The following MBD5 variants were observed in gnomAD, a reference collection of about 807,000 sequenced individuals.
MBD5 encodes methyl-CpG-binding domain protein 5.
In MBD5, 13 loss-of-function variants were observed where a neutral mutation model predicts 117.3. The ratio of observed to expected loss-of-function variants is 0.11; its 90% CI spans 0.07 to 0.18. MBD5 has a LOEUF of 0.18. Ranked by LOEUF, MBD5 falls within the 10% of genes least tolerant of loss-of-function variation. The probability of loss-of-function intolerance (pLI) is 1.00; values close to 1 mark genes in which losing one functional copy is unlikely to be tolerated. For synonymous variants in MBD5, 727 were observed against 766.4 expected (o/e 0.95, Z 0.85); for missense variants, 1,879 against 2,093.8 (o/e 0.90, Z 2.00).
At chr2:148,446,936 A>G (rs1001894821) in intron 4 of MBD5, among the ~76,000 whole-genome samples, 1 of 152,036 alleles carries the variant, frequency 6.6e-6, no homozygotes, top group African/African-American at 2.4e-5. Context: ...GAAAAATTTC[A>G]GTGGCATTTT....
chr2:148,072,284 T>A (rs1375955446), intron 1 of MBD5, among the ~76,000 whole-genome samples: 2 of 152,170 alleles, frequency 1.3e-5, no homozygotes, highest in Non-Finnish European at 2.9e-5. Context: ...AAATGAATCA[T>A]CATTTAGTTT....
At chr2:148,438,500 G>A (rs1466290101) in intron 4 of MBD5, among the ~76,000 whole-genome samples, 1 of 152,124 alleles carries the variant, frequency 6.6e-6, no homozygotes, top group Non-Finnish European at 1.5e-5. Flanking sequence ...CAATTTCACA[G>A]ATCTCTTCCA....
Position 148,445,301 on chromosome 2 carries a change from G to A in MBD5, c.-556-12902G>A, listed in dbSNP as rs549170022. 2.4e-4 allele frequency among the ~76,000 whole-genome samples: 36 copies of A among 149,150 alleles called. 2 individuals are homozygous for A. Among genetic ancestry groups the A allele is most frequent in the African/African-American group, 7.3e-4 (29 of 39,482 alleles). On this transcript the variant is annotated intron_variant, in intron 4 of 13. Transcript: ENST00000642680. ...TCCCTCCCCGCTCCCCCCACCCCAT[G>A]ACAGGCCCCAGTGTGTGATGTTCCC...
chr2:148,068,683 TC>T (rs1329327849), intron 1 of MBD5: 1 of 152,206 alleles, frequency 6.6e-6, no homozygotes, highest in Non-Finnish European at 1.5e-5. Context: ...ATTGATAGGT[TC>T]CTTTTTTCTG....
In MBD5 at chr2:148,306,818, A is replaced by G. The variant is rs545721128; in HGVS notation, c.-679-35396A>G. ...AAAAGAGAATTTGGTTGTTTCTGTGACACACAACAATAATAACCAGAAAAG... is the reference window on the plus strand; with the variant it reads ...AAAAGAGAATTTGGTTGTTTCTGTGGCACACAACAATAATAACCAGAAAAG... On this transcript the variant is annotated intron_variant, in intron 3 of 13. Transcript: ENST00000642680. 2.0e-5 allele frequency among the ~76,000 whole-genome samples: 3 copies of G among 152,314 alleles called. No homozygotes were observed. In the South Asian group the frequency reaches 6.2e-4, roughly 32 times the overall value.
intron 4 of MBD5, among the ~76,000 whole-genome samples, chr2:148,355,032 G>A (rs184830225): frequency 2.0e-5 from 3 of 151,930 alleles, no homozygotes; most frequent in Admixed American, 6.6e-5. Context: ...ATGATGATGC[G>A]CATTTTTTCA....
intron 4 of MBD5, among the ~76,000 whole-genome samples, chr2:148,347,926 C>G (rs906933580): frequency 6.6e-6 from 1 of 151,932 alleles, no homozygotes; most frequent in African/African-American, 2.4e-5. Context: ...TAGAATCCTA[C>G]TCATCCCTCA....
intron 2 of MBD5, among the ~76,000 whole-genome samples, chr2:148,224,484 G>A (rs112435711): frequency 0.12 from 18,119 of 149,160 alleles, 1,259 homozygotes; most frequent in Admixed American, 0.16. Flanking sequence ...CTGGGACTAC[G>A]GGTGCACGTT....
intron 4 of MBD5, among the ~76,000 whole-genome samples, chr2:148,446,424 A>G (rs1353875931): frequency 1.3e-5 from 2 of 152,088 alleles, no homozygotes; most frequent in Non-Finnish European, 2.9e-5. Flanking sequence ...CAAACAGAAC[A>G]ATAGTCTGGA....
At position 148,512,728 on chromosome 2, in the gene MBD5, C is replaced by T. The variant is rs547854711; in HGVS notation, c.5113-142C>T. ...CACTGACATCTGGGGTCTTGGTAAACATTTGAAGTGCCTCAGGATATCAGT... is the reference window on the plus strand; with the variant it reads ...CACTGACATCTGGGGTCTTGGTAAATATTTGAAGTGCCTCAGGATATCAGT... On this transcript the variant is annotated intron_variant, in intron 13 of 13. Coordinates refer to ENST00000642680, the MANE Select transcript of MBD5 (RefSeq NM_001378120.1). 15 of 758,952 alleles carry T rather than the reference C, an allele frequency of 2.0e-5. No individual in the cohort carries two copies. In the East Asian group the frequency reaches 3.9e-4, roughly 20 times the overall value. The allele number at this position is 758,952 out of a possible 1,614,324, so 47.0% of individuals were successfully genotyped here. A position where few individuals can be genotyped will look rare whatever the true frequency, so the allele number is the denominator to read the frequency against.
chr2:148,243,346 T>C (rs2106204233), intron 3 of MBD5, among the ~76,000 whole-genome samples: 1 of 152,254 alleles, frequency 6.6e-6, no homozygotes, highest in East Asian at 1.9e-4. Context: ...TTATACTTTT[T>C]AAAATGGAAT....
intron 3 of MBD5, among the ~76,000 whole-genome samples, chr2:148,239,254 C>T (rs368398691): frequency 1.3e-5 from 2 of 152,174 alleles, no homozygotes; most frequent in East Asian, 1.9e-4. Flanking sequence ...TCTTGGACAT[C>T]GACAGTTCCT....
At chr2:148,370,293 A>G (rs961484307) in intron 4 of MBD5, among the ~76,000 whole-genome samples, 1 of 152,116 alleles carries the variant, frequency 6.6e-6, no homozygotes, top group Non-Finnish European at 1.5e-5. Flanking sequence ...TATTTACATT[A>G]TATTTTCTTA....
intron 4 of MBD5, among the ~76,000 whole-genome samples, chr2:148,392,447 A>G (rs1704594816): frequency 6.6e-6 from 1 of 152,196 alleles, no homozygotes; most frequent in South Asian, 2.1e-4. Flanking sequence ...TCAATCTGAT[A>G]TCTTCAGTTT....
At chr2:148,403,214 C>CT (rs1446065914) in intron 4 of MBD5, among the ~76,000 whole-genome samples, 1 of 150,498 alleles carries the variant, frequency 6.6e-6, no homozygotes, top group African/African-American at 2.5e-5. Flanking sequence ...GGGTCTCACT[C>CT]TGTCACCCAG....
chr2:148,125,536 TA>T (rs1346052593), intron 1 of MBD5, among the ~76,000 whole-genome samples: 2 of 152,260 alleles, frequency 1.3e-5, no homozygotes, highest in Non-Finnish European at 2.9e-5. Context: ...ATTCAGTATA[TA>T]AATTCTGATG....
intron 1 of MBD5, chr2:148,056,227 T>A (rs1228102431): frequency 2.6e-5 from 4 of 152,296 alleles, no homozygotes; most frequent in African/African-American, 7.2e-5. Flanking sequence ...ACATTCTTTT[T>A]AAATCTGATA....
rs1297321171 is a variant in MBD5, at chr2:148,470,177, A to C, written c.2234A>C (p.Asn745Thr). Reference protein sequence around the residue: ...NQLHFTDPSMNSSVLQNIPLR... With the variant: ...NQLHFTDPSMTSSVLQNIPLR... ...CTGCATTTTACAGATCCCAGTATGAACTCTAGTGTTCTTCAGAACATACCT... is the reference window on the plus strand; with the variant it reads ...CTGCATTTTACAGATCCCAGTATGACCTCTAGTGTTCTTCAGAACATACCT... Residue 745 changes from asparagine (N) to threonine (T), a missense_variant, in exon 8 of 14, where the codon AAC becomes ACC. By Grantham distance (65) the Asn-to-Thr change is moderately conservative (BLOSUM62 0). Transcript: ENST00000642680. 6.2e-7 allele frequency: 1 copy of C among 1,613,732 alleles called. No individual in the cohort carries two copies. The highest frequency in any genetic ancestry group is 8.5e-7 in the Non-Finnish European group (1 of 1,179,904).
intron 6 of MBD5, 68 bp downstream of exon 6, chr2:148,462,752 C>T (rs1467020280): frequency 2.9e-6 from 3 of 1,049,274 alleles, no homozygotes; most frequent in African/African-American, 1.6e-5. Context: ...TTGTTTTTCT[C>T]ATTTGGAATT....
Sources: gnomAD v4.1 joint callset for allele counts (sites outside exome capture counted in the v4.1 genomes callset) on GRCh38, gnomAD v4.1.1 for gene constraint, MANE v1.5 for transcripts, NCBI Gene and HGNC (gene_info 2026-07-23, HGNC 2026-07-21) for gene names.